The following PAWR variants were observed in gnomAD, a reference collection of about 807,000 sequenced individuals.
The protein encoded by PAWR is pro-apoptotic WT1 regulator, also known as PRKC apoptosis WT1 regulator protein.
A neutral mutation model predicts 32.0 loss-of-function variants in PAWR; 23 were observed. That is an observed-to-expected ratio of 0.72 (90% confidence interval 0.52 to 1.02). The LOEUF (loss-of-function observed/expected upper bound fraction) is 1.02, where lower values mean the gene tolerates loss of function less well. PAWR is among the 50% of genes least tolerant of loss of function. The probability of loss-of-function intolerance (pLI) is 0.00; values close to 1 mark genes in which losing one functional copy is unlikely to be tolerated. For synonymous variants in PAWR, 226 were observed against 187.1 expected, an observed-to-expected ratio of 1.21 and a Z score of -1.70; for missense variants, 457 against 437.7, an observed-to-expected ratio of 1.04 and a Z score of -0.39.
At chr12:79,636,260 A>G (rs1875956854) in intron 2 of PAWR, among the ~76,000 whole-genome samples, 1 of 152,136 alleles carries the variant, frequency 6.6e-6, no homozygotes. Flanking sequence ...ATTTTATAAA[A>G]CAGAATTCCA....
rs1875699750 is a variant in PAWR, at chr12:79,632,324, TATATATATATATATATATATATATATATA to T, written c.517-11146_517-11118del. On this transcript the variant is annotated intron_variant, in intron 2 of 6. Transcript: ENST00000328827. Reference sequence around the variant, plus strand: ...ATATATATACATACATATATATATATATATATATATATATATATATATATATATATATATATATTTTTTTTTTTTTTTAG... The same window carrying T: ...ATATATATACATACATATATATATATTATATATATTTTTTTTTTTTTTTAG... 7.5e-5 allele frequency among the ~76,000 whole-genome samples: 2 copies of T among 26,654 alleles called. 1 individual carries two copies. Among genetic ancestry groups the T allele is most frequent in the African/African-American group, 1.2e-3 (2 of 1,606 alleles). 17.5% of individuals were successfully genotyped at this position (26,654 alleles called of 152,430 possible).
intron 2 of PAWR, among the ~76,000 whole-genome samples, chr12:79,687,907 T>G (rs1878759952): frequency 6.6e-6 from 1 of 152,154 alleles, no homozygotes; most frequent in African/African-American, 2.4e-5. Flanking sequence ...TGTTGGGTCC[T>G]GCAGCTTGAA....
chr12:79,678,656 G>A (rs1878288143), intron 2 of PAWR, among the ~76,000 whole-genome samples: 1 of 152,224 alleles, frequency 6.6e-6, no homozygotes, highest in South Asian at 2.1e-4. Flanking sequence ...GTGCAGTTCT[G>A]GACATACAGC....
chr12:79,623,767 C>T (rs1156410640), intron 2 of PAWR, among the ~76,000 whole-genome samples: 10 of 151,828 alleles, frequency 6.6e-5, no homozygotes. Flanking sequence ...AGTAGTGGTG[C>T]ATCATCTGGA....
chr12:79,632,132 C>CAAAAAAAAAAAAAAAAAAA (rs59152885), intron 2 of PAWR: 1 of 50,912 alleles, frequency 2.0e-5, no homozygotes, highest in African/African-American at 6.6e-5. Context: ...GACTCTGTCT[C>CAAAAAAAAAAAAAAAAAAA]AAAAAAAAAA....
chr12:79,632,324 T>TATATATATATATAC (rs1875699301), intron 2 of PAWR, among the ~76,000 whole-genome samples: 4 of 26,654 alleles, frequency 1.5e-4, no homozygotes, highest in African/African-American at 1.2e-3. Flanking sequence ...TATATATATA[T>TATATATATATATAC]ATATATATAT....
chr12:79,659,266 C>T (rs1037246534), intron 2 of PAWR, among the ~76,000 whole-genome samples: 4 of 151,566 alleles, frequency 2.6e-5, no homozygotes, highest in Non-Finnish European at 5.9e-5. Context: ...TGCACTCCAG[C>T]CTGGGCGACA....
intron 2 of PAWR, among the ~76,000 whole-genome samples, chr12:79,685,251 A>G (rs1054296995): frequency 2.6e-5 from 4 of 152,218 alleles, no homozygotes; most frequent in Non-Finnish European, 4.4e-5. Flanking sequence ...TGTTTACACT[A>G]TATCTACCCC....
intron 2 of PAWR, among the ~76,000 whole-genome samples, chr12:79,639,881 T>TATTCCTATTCCATTCCATTCC: frequency 6.8e-4 from 76 of 112,500 alleles, no homozygotes; most frequent in African/African-American, 3.6e-3. Context: ...TTCCTATTCC[T>TATTCCTATTCCATTCCATTCC]ATTCCATTCC....
intron 4 of PAWR, among the ~76,000 whole-genome samples, chr12:79,598,625 CA>C (rs1873849059): frequency 6.6e-6 from 1 of 152,184 alleles, no homozygotes; most frequent in Admixed American, 6.5e-5. Flanking sequence ...AGTGTCCTAT[CA>C]AATTTGTAAG....
Position 79,621,207 on chromosome 12 carries a change from A to G in PAWR, c.517T>C (p.Cys173Arg), listed in dbSNP as rs779839193. ...TGVVNIPAAE[C>R]LDEYEDDEAG... The stretch of plus-strand genomic sequence containing the variant: ...TCATCATCTTCGTACTCATCTAAGC[A>G]CTGAAAGAAAAAAAGAGTTTCCATT... The change falls in exon 3 of 7, where the codon TGC becomes CGC. Residue 173 changes from cysteine to arginine, a missense_variant and splice_region_variant. Coordinates refer to ENST00000328827, the MANE Select transcript of PAWR (RefSeq NM_002583.4). 6.3e-7 allele frequency: 1 copy of G among 1,592,656 alleles called. No homozygotes were observed. The highest frequency in any genetic ancestry group is 8.5e-7 in the Non-Finnish European group (1 of 1,174,786).
chr12:79,646,243 T>C (rs1443419465), intron 2 of PAWR, among the ~76,000 whole-genome samples: 1 of 152,070 alleles, frequency 6.6e-6, no homozygotes, highest in Non-Finnish European at 1.5e-5. Context: ...TTAAATTCAG[T>C]TGATTAAGAA....
intron 2 of PAWR, among the ~76,000 whole-genome samples, chr12:79,672,572 A>T (rs1462935826): frequency 3.9e-5 from 6 of 152,234 alleles, no homozygotes; most frequent in Admixed American, 6.5e-5. Flanking sequence ...GCCAGCCCTA[A>T]AGTGCTACCA....
intron 2 of PAWR, among the ~76,000 whole-genome samples, chr12:79,666,480 A>G (rs1277355245): frequency 6.6e-6 from 1 of 152,220 alleles, no homozygotes; most frequent in East Asian, 1.9e-4. Flanking sequence ...CCGCAAGGTC[A>G]AACTATTTTT....
rs147578119 is a variant in PAWR at position 79,685,182 on chromosome 12, A to G, written c.516+4547T>C. Among the ~76,000 whole-genome samples, 650 of 152,310 alleles carry G rather than the reference A, an allele frequency of 4.3e-3. 4 individuals are homozygous for G. The highest frequency in any genetic ancestry group is 0.015 in the African/African-American group (620 of 41,562). On this transcript the variant is annotated intron_variant, in intron 2 of 6. Transcript: ENST00000328827. The stretch of plus-strand genomic sequence containing the variant: ...AAAATTTCAATTTACTTTACCAGTG[A>G]GCTCAAACATTTAGGAAAGCTGGGC...
intron 6 of PAWR, among the ~76,000 whole-genome samples, 177 bp from the exon 7 acceptor site, chr12:79,592,870 T>A (rs929994889): frequency 1.3e-5 from 2 of 152,206 alleles, no homozygotes; most frequent in Admixed American, 6.5e-5. Flanking sequence ...ATTACTTGAC[T>A]CTTCGTTCTT....
chr12:79,646,464 T>C (rs940552279), intron 2 of PAWR, among the ~76,000 whole-genome samples: 8 of 152,204 alleles, frequency 5.3e-5, no homozygotes, highest in African/African-American at 1.7e-4. Context: ...AATACTGGCA[T>C]TTCCAGTCCC....
intron 2 of PAWR, among the ~76,000 whole-genome samples, chr12:79,685,006 T>A (rs1050845447): frequency 1.5e-4 from 23 of 152,198 alleles, no homozygotes; most frequent in Non-Finnish European, 1.5e-5. Flanking sequence ...GTGGTGAGAA[T>A]TAAATGCACT....
chr12:79,624,760 T>A (rs2136725032), intron 2 of PAWR, among the ~76,000 whole-genome samples: 1 of 152,332 alleles, frequency 6.6e-6, no homozygotes, highest in African/African-American at 2.4e-5. Context: ...AAGTGGATTC[T>A]CCTCATTCCT....
Sources: allele counts gnomAD v4.1 joint callset (sites outside exome capture counted in the v4.1 genomes callset), GRCh38; gene constraint gnomAD v4.1.1; transcripts MANE v1.5; gene names NCBI Gene and HGNC (gene_info 2026-07-23, HGNC 2026-07-21).